The following MCPH1 variants were observed in gnomAD, a reference collection of about 807,000 sequenced individuals.
MCPH1 encodes the protein microcephalin.
Under a neutral mutation model 84.5 loss-of-function variants are expected in MCPH1, and 104 were observed. The observed-to-expected ratio is 1.23, with a 90% CI of 1.05 to 1.45. The LOEUF is 1.45. Among genes scored for constraint, MCPH1 ranks in the 40% most tolerant of loss-of-function variants. The pLI is 0.00. For missense variants in MCPH1, 1,498 were observed against 1,005.7 expected, an observed-to-expected ratio of 1.49 and a Z score of -6.62; for synonymous variants, 514 against 366.8, an observed-to-expected ratio of 1.40 and a Z score of -4.58.
At chr8:6,626,633 C>G (rs1489972253) in intron 13 of MCPH1, 2 of 984,816 alleles carry the variant, frequency 2.0e-6, no homozygotes, top group Non-Finnish European at 2.4e-6. Context: ...AAAGCATTTG[C>G]TAATGGTTGC....
chr8:6,547,590 A>G (rs1822830205), intron 12 of MCPH1, among the ~76,000 whole-genome samples: 1 of 152,218 alleles, frequency 6.6e-6, no homozygotes, highest in African/African-American at 2.4e-5. Context: ...CCACCGTAGA[A>G]TGGCTGACTC....
rs147684354 is a variant in MCPH1, at chr8:6,503,068, G to T, written c.2214+3139G>T. 10 of 1,612,878 alleles carry T rather than the reference G, an allele frequency of 6.2e-6. No individual in the cohort carries two copies. The African/African-American group carries it at 1.3e-4, about 21-fold the overall frequency. ...CACTGGGCTTAAGTCTTTGAAAATA[G>T]TTCGAGACAGTTCCTCAGGTGGACT... On this transcript the variant is annotated intron_variant, in intron 12 of 13. Coordinates refer to ENST00000344683, the MANE Select transcript of MCPH1 (RefSeq NM_024596.5).
chr8:6,597,541 C>G (rs1217482531), intron 12 of MCPH1, among the ~76,000 whole-genome samples: 1 of 152,154 alleles, frequency 6.6e-6, no homozygotes, highest in Non-Finnish European at 1.5e-5. Context: ...AGCCCTCTCC[C>G]AGCCCAGAAC....
Position 6,444,893 on chromosome 8 carries a change from G to T in MCPH1, c.1171G>T (p.Glu391Ter). ...GCCGAGGCTGCAGCTGTGCAGGTCG[G>T]AAGACAGGCTGCAGCACGTGGCGGG... ...IMPRLQLCRS[E>*]DRLQHVAGPA... is the part of the protein sequence containing the mutation. The change falls in exon 8 of 14, where the codon GAA becomes TAA. Residue 391 changes from glutamate to a stop codon, truncating the protein, a stop_gained. Transcript: ENST00000344683. LOFTEE classifies it high-confidence loss of function. 1 of 1,614,158 alleles carries T rather than the reference G, an allele frequency of 6.2e-7. No homozygotes were observed. The highest frequency in any genetic ancestry group is 1.1e-5 in the South Asian group (1 of 91,078).
intron 11 of MCPH1, among the ~76,000 whole-genome samples, chr8:6,489,723 C>T (rs1810354636): frequency 6.6e-6 from 1 of 152,162 alleles, no homozygotes; most frequent in African/African-American, 2.4e-5. Flanking sequence ...TGACTCGAGC[C>T]TTCTCGTGTT....
rs1303854410 is a variant in MCPH1, at chr8:6,531,019, T to TA, written c.2214+31091dup. 3.3e-5 allele frequency among the ~76,000 whole-genome samples: 5 copies of TA among 152,284 alleles called. No homozygotes were observed. In the East Asian group the frequency reaches 9.7e-4, roughly 29 times the overall value. The stretch of plus-strand genomic sequence containing the variant: ...CTGCTCTTTTTTTAAAAGTATTCCT[T>TA]ATAGCCCAGAGTAGGAAGCCACTGA... On this transcript the variant is annotated intron_variant, in intron 12 of 13. Coordinates refer to ENST00000344683, the MANE Select transcript of MCPH1 (RefSeq NM_024596.5).
At chr8:6,615,015 A>G (rs2129579810) in intron 12 of MCPH1, among the ~76,000 whole-genome samples, 1 of 152,296 alleles carries the variant, frequency 6.6e-6, no homozygotes, top group East Asian at 1.9e-4. Flanking sequence ...CAGGTTTCTA[A>G]GGTCCCCAGT....
In MCPH1 at chr8:6,519,909, A is replaced by G. The variant is rs144222266; in HGVS notation, c.2214+19980A>G. On this transcript the variant is annotated intron_variant, in intron 12 of 13. Transcript: ENST00000344683. ...TAGGGAATGTTAACGTGTAGATGCC[A>G]TTCGTGGTGTGTCCTGATTTGAATA... 3.5e-4 allele frequency: 566 copies of G among 1,613,228 alleles called. 4 individuals are homozygous for G. The highest frequency in any genetic ancestry group is 3.3e-3 in the Middle Eastern group (20 of 6,056).
chr8:6,517,906 G>A (rs530932518), intron 12 of MCPH1, among the ~76,000 whole-genome samples: 1 of 152,172 alleles, frequency 6.6e-6, no homozygotes, highest in Non-Finnish European at 1.5e-5. Context: ...TTTTCAAGAT[G>A]AGAAAATTGA....
At chr8:6,421,780 A>C (rs1005295701) in intron 3 of MCPH1, among the ~76,000 whole-genome samples, 1 of 152,140 alleles carries the variant, frequency 6.6e-6, no homozygotes, top group Non-Finnish European at 1.5e-5. Context: ...ACCCAGGTCC[A>C]GTGTGCTGCA....
chr8:6,646,092 T>C lies in MCPH1; in HGVS notation c.*3043T>C, dbSNP rs1332586743. 1 of 152,234 alleles carries C rather than the reference T, an allele frequency of 6.6e-6. No individual in the cohort carries two copies. Among genetic ancestry groups the C allele is most frequent in the Non-Finnish European group, 1.5e-5 (1 of 68,040 alleles). 9.4% of individuals were successfully genotyped at this position (152,234 alleles called of 1,614,324 possible). A position where few individuals can be genotyped will look rare whatever the true frequency, so the allele number is the denominator to read the frequency against. ...TTTAAGAGCAAAGTTGGAGGATTTA[T>C]AGAACCTGATTCCAAAACTGTCAGT... On this transcript the variant is annotated 3_prime_UTR_variant, in exon 14 of 14. Coordinates refer to ENST00000344683, the MANE Select transcript of MCPH1 (RefSeq NM_024596.5).
chr8:6,476,998 T>A (rs866767254), intron 9 of MCPH1, among the ~76,000 whole-genome samples: 1 of 152,170 alleles, frequency 6.6e-6, no homozygotes, highest in African/African-American at 2.4e-5. Flanking sequence ...CTATAGCATT[T>A]AAATTTTTTG....
At chr8:6,441,442 C>G (rs1162760056) in intron 6 of MCPH1, among the ~76,000 whole-genome samples, 2 of 152,126 alleles carry the variant, frequency 1.3e-5, no homozygotes, top group Non-Finnish European at 2.9e-5. Flanking sequence ...TTTTGAGTCT[C>G]TAAAAAATAT....
intron 12 of MCPH1, among the ~76,000 whole-genome samples, chr8:6,581,429 A>G (rs1226525464): frequency 6.6e-6 from 1 of 152,240 alleles, no homozygotes; most frequent in African/African-American, 2.4e-5. Context: ...GAAGCTGTTG[A>G]ATCATGTGGT....
intron 5 of MCPH1, among the ~76,000 whole-genome samples, chr8:6,438,463 C>T (rs1386300851): frequency 2.6e-5 from 4 of 152,248 alleles, no homozygotes; most frequent in Middle Eastern, 3.4e-3. Context: ...CCACACAAAA[C>T]GAGCTCATAA....
chr8:6,580,903 A>C (rs1414700375), intron 12 of MCPH1, among the ~76,000 whole-genome samples: 1 of 152,248 alleles, frequency 6.6e-6, no homozygotes, highest in African/African-American at 2.4e-5. Context: ...AGCCCTCCAC[A>C]TCCGCAGGTT....
At chr8:6,622,373 G>A (rs1831540869) in intron 13 of MCPH1, among the ~76,000 whole-genome samples, 1 of 152,186 alleles carries the variant, frequency 6.6e-6, no homozygotes, top group Non-Finnish European at 1.5e-5. Context: ...GATCCCCGGA[G>A]AAGAGGGTTA....
intron 3 of MCPH1, among the ~76,000 whole-genome samples, chr8:6,416,262 T>C (rs921065663): frequency 6.6e-6 from 1 of 152,078 alleles, no homozygotes; most frequent in Non-Finnish European, 1.5e-5. Context: ...TCATTTCTAG[T>C]CTGGCCGCAT....
At chr8:6,631,321 G>C (rs940215920) in intron 13 of MCPH1, among the ~76,000 whole-genome samples, 3 of 152,142 alleles carry the variant, frequency 2.0e-5, no homozygotes, top group Non-Finnish European at 4.4e-5. Flanking sequence ...GGTAAAAATA[G>C]ATAAATTGCA....
Sources: gnomAD v4.1 joint callset for allele counts (sites outside exome capture counted in the v4.1 genomes callset) on GRCh38, gnomAD v4.1.1 for gene constraint, MANE v1.5 for transcripts, NCBI Gene and HGNC (gene_info 2026-07-23, HGNC 2026-07-21) for gene names.